Variants in BZW1 observed in about 807,000 individuals in gnomAD.
BZW1 encodes basic leucine zipper and W2 domains 1.
In BZW1, 3 loss-of-function variants were observed where a neutral mutation model predicts 54.1. The observed-to-expected ratio is 0.06, with a 90% CI of 0.03 to 0.14. BZW1 has a LOEUF of 0.14. BZW1 is among the 10% of genes least tolerant of loss of function. The pLI, the probability that BZW1 is intolerant of heterozygous loss-of-function variation, is 1.00. For synonymous variants in BZW1, 152 were observed against 162.7 expected (o/e 0.93, Z 0.50); for missense variants, 206 against 491.7 (o/e 0.42, Z 5.50).
At chr2:200,821,342 C>T in intron 11 of BZW1, 37 bp downstream of exon 11, 1 of 1,608,674 alleles carries the variant, frequency 6.2e-7, no homozygotes, top group South Asian at 1.1e-5. Flanking sequence ...TTTGGTAAAG[C>T]TAATTTTAAT....
rs398105194 is a variant in BZW1 at position 200,825,291 on chromosome 2, CT to C, written c.*3114del. On this transcript the variant is annotated 3_prime_UTR_variant, in exon 12 of 12. Coordinates refer to ENST00000409600, the MANE Select transcript of BZW1 (RefSeq NM_001207067.2). Reference sequence around the variant, plus strand: ...ATCAGGCTGGTCTCAAACTCCTGACCTCGTGGTCTGCCTGCCTTGGCCTCCC... The same window carrying C: ...ATCAGGCTGGTCTCAAACTCCTGACCCGTGGTCTGCCTGCCTTGGCCTCCC... 1 of 27,164 alleles carries C rather than the reference CT, an allele frequency of 3.7e-5. No homozygotes were observed. The highest frequency in any genetic ancestry group is 0.018 in the Middle Eastern group (1 of 56). 1.7% of individuals were successfully genotyped at this position (27,164 alleles called of 1,614,324 possible).
chr2:200,812,541 G>A (rs2105860286), intron 1 of BZW1: 1 of 1,397,582 alleles, frequency 7.2e-7, no homozygotes, highest in Non-Finnish European at 9.3e-7. Flanking sequence ...CGCTGTGGCC[G>A]ATGGGGTCCT....
intron 11 of BZW1, 54 bp downstream of exon 11, chr2:200,821,359 A>G (rs1575060184): frequency 2.5e-6 from 4 of 1,596,368 alleles, no homozygotes; most frequent in African/African-American, 1.3e-5. Flanking sequence ...TAATGTGGCC[A>G]TAATATATCT....
rs2105710531 is a variant in BZW1 at position 200,823,674 on chromosome 2, T to C, written c.*1496T>C. ...TTAAAAAGAACATTATAACTGATTG[T>C]TGTGAATGGGGTGAATTTGTTAAAA... is the stretch of plus-strand genomic sequence containing the variant. On this transcript the variant is annotated 3_prime_UTR_variant, in exon 12 of 12. Coordinates refer to ENST00000409600, the MANE Select transcript of BZW1 (RefSeq NM_001207067.2). 6.6e-6 allele frequency: 1 copy of C among 152,550 alleles called. No individual in the cohort carries two copies. The highest frequency in any genetic ancestry group is 6.5e-5 in the Admixed American group (1 of 15,282). 9.4% of individuals were successfully genotyped at this position (152,550 alleles called of 1,614,324 possible). A position where few individuals can be genotyped will look rare whatever the true frequency, so the allele number is the denominator to read the frequency against.
At chr2:200,813,113 A>G (rs2038151787) in intron 1 of BZW1, 95 bp from the exon 2 acceptor site, 2 of 1,041,594 alleles carry the variant, frequency 1.9e-6, no homozygotes, top group East Asian at 5.0e-5. Flanking sequence ...TGGGTGTTCC[A>G]TTTGATTCAT....
At chr2:200,820,645 GC>G (rs1298147543) in intron 10 of BZW1, among the ~76,000 whole-genome samples, 1 of 151,964 alleles carries the variant, frequency 6.6e-6, no homozygotes, top group Admixed American at 6.5e-5. Flanking sequence ...TTGTGCCACT[GC>G]ACTCCAGCAG....
chr2:200,815,368 A>T lies in BZW1; in HGVS notation c.92A>T (p.Gln31Leu). Residue 31 changes from glutamine (Q) to leucine (L), a missense_variant, in exon 3 of 12, where the codon CAG becomes CTG. This residue lies in a region of BZW1 where 26 missense variants were observed against 26.9 expected (regional missense o/e 0.97). Transcript: ENST00000409600. ...RDEKERFDPTQFQDCIIQGLT... is the reference protein window; with the variant it reads ...RDEKERFDPTLFQDCIIQGLT... ...GAAAAAGAGAGGTTTGACCCTACTC[A>T]GTTTCAAGACTGTATTATTCAAGGC... 6.2e-7 allele frequency: 1 copy of T among 1,611,780 alleles called. No individual in the cohort carries two copies. Among genetic ancestry groups the T allele is most frequent in the Non-Finnish European group, 8.5e-7 (1 of 1,178,700 alleles).
At chr2:200,818,954 A>G in intron 9 of BZW1, 53 bp downstream of exon 9, 1 of 1,500,110 alleles carries the variant, frequency 6.7e-7, no homozygotes, top group Non-Finnish European at 8.8e-7. Flanking sequence ...ACGTGGTGAT[A>G]AGTGAACTGT....
chr2:200,811,589 G>A (rs529634269), upstream of BZW1: 46 of 152,256 alleles, frequency 3.0e-4, no homozygotes, highest in African/African-American at 1.1e-3. Flanking sequence ...AGGGACTCCA[G>A]GAGGACGCGT....
intron 2 of BZW1, among the ~76,000 whole-genome samples, chr2:200,814,725 G>GT (rs2038223010): frequency 6.6e-6 from 1 of 152,158 alleles, no homozygotes; most frequent in African/African-American, 2.4e-5. Context: ...GAATCAGGCA[G>GT]TTTAACTCCA....
In BZW1 at chr2:200,826,242, C is replaced by G. The variant is rs889091689; in HGVS notation, c.*4064C>G. On this transcript the variant is annotated 3_prime_UTR_variant, in exon 12 of 12. Coordinates refer to ENST00000409600, the MANE Select transcript of BZW1 (RefSeq NM_001207067.2). ...GACTCCTTTCTCTTCACTTTTTTCT[C>G]CCAGCTTAACTAGAGGCAATTAACA... is the stretch of plus-strand genomic sequence containing the variant. 6.6e-6 allele frequency: 1 copy of G among 152,016 alleles called. No individual in the cohort carries two copies. The highest frequency in any genetic ancestry group is 1.9e-4 in the East Asian group (1 of 5,190). The allele number at this position is 152,016 out of a possible 1,614,324, so 9.4% of individuals were successfully genotyped here. A position where few individuals can be genotyped will look rare whatever the true frequency, so the allele number is the denominator to read the frequency against.
chr2:200,815,201 T>A, intron 2 of BZW1, 140 bp from the exon 3 acceptor site: 1 of 902,830 alleles, frequency 1.1e-6, no homozygotes, highest in Non-Finnish European at 1.6e-6. Flanking sequence ...CATCTTGTCT[T>A]ACACTTGCAG....
At chr2:200,821,495 T>TTTTTA (rs2038509362) in intron 11 of BZW1, among the ~76,000 whole-genome samples, 190 bp downstream of exon 11, 1 of 152,184 alleles carries the variant, frequency 6.6e-6, no homozygotes, top group African/African-American at 2.4e-5. Flanking sequence ...TAATAGTAAA[T>TTTTTA]GTTCTTCATG....
chr2:200,812,574 G>T (rs2038115598), intron 1 of BZW1: 2 of 1,409,698 alleles, frequency 1.4e-6, no homozygotes, highest in Non-Finnish European at 1.9e-6. Flanking sequence ...GGTGATCTGT[G>T]GCTCGGGCGG....
In BZW1 at chr2:200,827,129, A is replaced by G. The variant is rs376788068; in HGVS notation, c.*4951A>G. 2.0e-5 allele frequency: 3 copies of G among 152,248 alleles called. No homozygotes were observed. Among genetic ancestry groups the G allele is most frequent in the Non-Finnish European group, 2.9e-5 (2 of 68,016 alleles). 9.4% of individuals were successfully genotyped at this position (152,248 alleles called of 1,614,324 possible). Reference sequence around the variant, plus strand: ...CTCATTTCCATTCTAGTTAGGAGCAATGGCGCCCAGGACGGCACACAGAAT... The same window carrying G: ...CTCATTTCCATTCTAGTTAGGAGCAGTGGCGCCCAGGACGGCACACAGAAT... On this transcript the variant is annotated 3_prime_UTR_variant, in exon 12 of 12. Transcript: ENST00000409600.
intron 10 of BZW1, 122 bp downstream of exon 10, chr2:200,820,242 T>C: frequency 1.1e-6 from 1 of 887,724 alleles, no homozygotes; most frequent in Non-Finnish European, 1.7e-6. Flanking sequence ...TAGTTATGAG[T>C]CACCTCTGAT....
In BZW1 at chr2:200,825,600, C is replaced by T. The variant is rs936509874; in HGVS notation, c.*3422C>T. ...ACCCCACCACAGGCAACAGACAAAG[C>T]ATTTCCTGCTGTCTTTCAAGGTCTT... On this transcript the variant is annotated 3_prime_UTR_variant, in exon 12 of 12. Coordinates refer to ENST00000409600, the MANE Select transcript of BZW1 (RefSeq NM_001207067.2). 2.0e-5 allele frequency: 3 copies of T among 152,220 alleles called. No homozygotes were observed. Among genetic ancestry groups the T allele is most frequent in the Non-Finnish European group, 4.4e-5 (3 of 68,040 alleles). The allele number at this position is 152,220 out of a possible 1,614,324, so 9.4% of individuals were successfully genotyped here.
At position 200,818,746 on chromosome 2, in the gene BZW1, C is replaced by T. The variant is rs768554108; in HGVS notation, c.820-9C>T. ...TGACTTCTGTTACTAAATTTGGATT[C>T]ATTTGCAGATAATTTTATATGTCAA... On this transcript the variant is annotated splice_polypyrimidine_tract_variant and intron_variant, in intron 8 of 11. Transcript: ENST00000409600. The T allele has an allele frequency of 6.3e-7, 1 of 1,575,144 alleles. No homozygotes were observed. The highest frequency in any genetic ancestry group is 8.5e-7 in the Non-Finnish European group (1 of 1,169,902).
intron 2 of BZW1, among the ~76,000 whole-genome samples, chr2:200,814,902 G>T (rs866830373): frequency 1.3e-5 from 2 of 152,224 alleles, no homozygotes; most frequent in South Asian, 4.1e-4. Context: ...CTCATTAAAT[G>T]TACTTTCTAA....
Sources: allele counts gnomAD v4.1 joint callset (sites outside exome capture counted in the v4.1 genomes callset), GRCh38; gene constraint gnomAD v4.1.1; regional missense constraint gnomAD v4.1.1; transcripts MANE v1.5; gene names NCBI Gene and HGNC (gene_info 2026-07-23, HGNC 2026-07-21).